TAFA1: variants seen among roughly 807,000 people sequenced by gnomAD.
TAFA1 encodes the protein chemokine-like protein TAFA-1.
Under a neutral mutation model 18.5 loss-of-function variants are expected in TAFA1, and 4 were observed. The observed-to-expected ratio is 0.22, with a 90% CI of 0.11 to 0.49. The LOEUF (loss-of-function observed/expected upper bound fraction) is 0.49, where lower values mean the gene tolerates loss of function less well. Among genes scored for constraint, TAFA1 ranks in the 20% least tolerant of loss-of-function variants. The pLI is 0.98. For missense variants in TAFA1, 147 were observed against 169.0 expected (o/e 0.87, Z 0.72); for synonymous variants, 56 against 55.2 (o/e 1.01, Z -0.06).
chr3:68,536,656 A>T (rs572177736), intron 3 of TAFA1, among the ~76,000 whole-genome samples: 1 of 152,348 alleles, frequency 6.6e-6, no homozygotes, highest in African/African-American at 2.4e-5. Context: ...CATTAAGGGA[A>T]ATATAGAGTT....
chr3:68,016,432 G>C (rs779613960), intron 2 of TAFA1, among the ~76,000 whole-genome samples: 3 of 152,076 alleles, frequency 2.0e-5, no homozygotes, highest in Non-Finnish European at 2.9e-5. Flanking sequence ...TGTGTCATGG[G>C]GGTTTGTTGT....
chr3:68,448,451 A>G (rs2071509853), intron 3 of TAFA1, among the ~76,000 whole-genome samples: 1 of 152,210 alleles, frequency 6.6e-6, no homozygotes, highest in Admixed American at 6.6e-5. Flanking sequence ...CAATGACTCT[A>G]TTAATACGAC....
chr3:68,196,370 A>C (rs1207559276), intron 2 of TAFA1, among the ~76,000 whole-genome samples: 3 of 150,384 alleles, frequency 2.0e-5, no homozygotes, highest in African/African-American at 7.3e-5. Flanking sequence ...TACTGACCAA[A>C]TGTAGCAATC....
At chr3:68,442,970 T>A (rs2071410831) in intron 3 of TAFA1, among the ~76,000 whole-genome samples, 1 of 152,116 alleles carries the variant, frequency 6.6e-6, no homozygotes, top group Non-Finnish European at 1.5e-5. Context: ...TTGATTCAGG[T>A]GTAGGGGTAG....
intron 3 of TAFA1, among the ~76,000 whole-genome samples, chr3:68,496,802 G>T (rs1488824548): frequency 6.6e-6 from 1 of 152,034 alleles, no homozygotes; most frequent in Non-Finnish European, 1.5e-5. Context: ...TCTCTATGGT[G>T]GGGGTGATAC....
At chr3:68,326,410 T>A (rs942811420) in intron 2 of TAFA1, among the ~76,000 whole-genome samples, 1 of 152,192 alleles carries the variant, frequency 6.6e-6, no homozygotes, top group Non-Finnish European at 1.5e-5. Context: ...ATAAGCACCA[T>A]TGGGAAATTG....
At chr3:68,408,161 C>T (rs1023937182) in intron 2 of TAFA1, among the ~76,000 whole-genome samples, 1 of 152,026 alleles carries the variant, frequency 6.6e-6, no homozygotes, top group Non-Finnish European at 1.5e-5. Context: ...AGAAAGGAAC[C>T]GTTTGTAATA....
chr3:68,360,787 T>C (rs1366934080), intron 2 of TAFA1, among the ~76,000 whole-genome samples: 1 of 152,040 alleles, frequency 6.6e-6, no homozygotes, highest in Non-Finnish European at 1.5e-5. Context: ...ATCACTGTAC[T>C]ATACATTAGC....
chr3:68,295,876 C>G (rs1301931947), intron 2 of TAFA1, among the ~76,000 whole-genome samples: 1 of 152,104 alleles, frequency 6.6e-6, no homozygotes, highest in Non-Finnish European at 1.5e-5. Context: ...TCCTGTATTC[C>G]TGGCATTATA....
At chr3:68,086,826 A>G (rs1192888020) in intron 2 of TAFA1, among the ~76,000 whole-genome samples, 1 of 152,238 alleles carries the variant, frequency 6.6e-6, no homozygotes, top group African/African-American at 2.4e-5. Flanking sequence ...AACAGATAAC[A>G]AAAGACTTTA....
At chr3:68,148,632 C>T (rs13094092) in intron 2 of TAFA1, among the ~76,000 whole-genome samples, 83,819 of 151,916 alleles carry the variant, frequency 0.55, 24,824 homozygotes, top group South Asian at 0.74. Context: ...TTGTCACATT[C>T]CGTGCTGTGT....
intron 3 of TAFA1, among the ~76,000 whole-genome samples, chr3:68,465,534 G>A (rs949742938): frequency 2.0e-5 from 3 of 152,192 alleles, no homozygotes; most frequent in Non-Finnish European, 4.4e-5. Context: ...GAAATCCAAA[G>A]TAGCTGTGAG....
intron 2 of TAFA1, among the ~76,000 whole-genome samples, chr3:68,096,554 G>A (rs2065089415): frequency 6.6e-6 from 1 of 152,034 alleles, no homozygotes. Context: ...AATCCTGTAA[G>A]GTAGGAGCAT....
At chr3:68,435,216 T>A (rs2071249454) in intron 3 of TAFA1, among the ~76,000 whole-genome samples, 1 of 152,046 alleles carries the variant, frequency 6.6e-6, no homozygotes, top group Non-Finnish European at 1.5e-5. Context: ...GCAGAAACAA[T>A]GGCATGTGCA....
chr3:68,191,954 A>C (rs1273265816), intron 2 of TAFA1, among the ~76,000 whole-genome samples: 2 of 151,824 alleles, frequency 1.3e-5, no homozygotes, highest in Non-Finnish European at 2.9e-5. Flanking sequence ...TCTTTGCTTC[A>C]ACCATTCTTA....
upstream of TAFA1, among the ~76,000 whole-genome samples, chr3:68,003,790 A>G (rs549050719): frequency 2.9e-4 from 44 of 152,328 alleles, no homozygotes; most frequent in African/African-American, 8.9e-4. Flanking sequence ...AACATGTTCA[A>G]AAAGTTCAGA....
intron 3 of TAFA1, among the ~76,000 whole-genome samples, chr3:68,487,380 T>C (rs560518158): frequency 5.2e-4 from 79 of 152,332 alleles, no homozygotes; most frequent in African/African-American, 1.5e-3. Context: ...AAGTTAATTA[T>C]GTTTTATGAT....
chr3:68,007,600 C>G (rs1559699452), intron 2 of TAFA1, among the ~76,000 whole-genome samples: 1 of 151,792 alleles, frequency 6.6e-6, no homozygotes, highest in Non-Finnish European at 1.5e-5. Flanking sequence ...TCACCCTCCA[C>G]CCCACCTCCC....
chr3:68,469,293 T>C (rs2071950188), intron 3 of TAFA1, among the ~76,000 whole-genome samples: 1 of 152,158 alleles, frequency 6.6e-6, no homozygotes, highest in Non-Finnish European at 1.5e-5. Context: ...ATCATTGCTG[T>C]CCAGTGGGAA....
Sources: gnomAD v4.1 joint callset for allele counts (sites outside exome capture counted in the v4.1 genomes callset) on GRCh38, gnomAD v4.1.1 for gene constraint, MANE v1.5 for transcripts, NCBI Gene and HGNC (gene_info 2026-07-23, HGNC 2026-07-21) for gene names.